Variants in SHISA9 observed in about 807,000 individuals in gnomAD.
SHISA9 encodes the protein protein shisa-9.
SHISA9 carries 13 observed loss-of-function variants against 38.0 expected under a neutral mutation model. The ratio of observed to expected loss-of-function variants is 0.34; its 90% CI spans 0.22 to 0.54. SHISA9 has a LOEUF of 0.54. Ranked by LOEUF, SHISA9 falls within the 20% of genes least tolerant of loss-of-function variation. The pLI is 0.91. For missense variants in SHISA9, 538 were observed against 575.8 expected (o/e 0.93, Z 0.67); for synonymous variants, 275 against 242.0 (o/e 1.14, Z -1.27).
chr16:13,461,422 A>C, the SHISA9 span, among the ~76,000 whole-genome samples: 3 of 152,132 alleles, frequency 2.0e-5, no homozygotes, highest in African/African-American at 4.8e-5. Flanking sequence ...TCTGCTAAAA[A>C]TACAAAATTA....
At chr16:13,256,060 G>A in the SHISA9 span, among the ~76,000 whole-genome samples, 2 of 152,116 alleles carry the variant, frequency 1.3e-5, no homozygotes, top group Non-Finnish European at 2.9e-5. Context: ...AGGACAGTTA[G>A]GCTATTGGAA....
At chr16:13,194,076 T>A (rs2142043775) in intron 2 of SHISA9, among the ~76,000 whole-genome samples, 1 of 152,268 alleles carries the variant, frequency 6.6e-6, no homozygotes, top group African/African-American at 2.4e-5. Context: ...TCCTCCTCTC[T>A]CTTTCTTTTC....
the SHISA9 span, among the ~76,000 whole-genome samples, chr16:13,429,970 G>A: frequency 6.6e-6 from 1 of 152,140 alleles, no homozygotes; most frequent in Non-Finnish European, 1.5e-5. Context: ...GATAATTAAG[G>A]TTAAATGGGA....
the SHISA9 span, among the ~76,000 whole-genome samples, chr16:13,396,776 C>T: frequency 1.3e-5 from 2 of 152,162 alleles, no homozygotes; most frequent in African/African-American, 2.4e-5. Context: ...TTGATGTAAA[C>T]ATCAGTCCTC....
At chr16:13,215,875 C>T (rs115010968) in intron 4 of SHISA9, among the ~76,000 whole-genome samples, 2,377 of 152,242 alleles carry the variant, frequency 0.016, 59 homozygotes, top group African/African-American at 0.055. Flanking sequence ...CCTTCCACAT[C>T]CTGCCACTTT....
chr16:13,546,036 T>C, the SHISA9 span, among the ~76,000 whole-genome samples: 1 of 152,154 alleles, frequency 6.6e-6, no homozygotes, highest in South Asian at 2.1e-4. Flanking sequence ...GAATTAACAA[T>C]GTAGGAAGGG....
At chr16:13,425,780 A>C in the SHISA9 span, among the ~76,000 whole-genome samples, 56,741 of 152,146 alleles carry the variant, frequency 0.37, 10,770 homozygotes, top group Non-Finnish European at 0.39. Flanking sequence ...TGGATTTTGC[A>C]CTACCTTGGA....
In SHISA9 at chr16:12,961,668, A is replaced by G. The variant is rs375718827; in HGVS notation, c.691+44853A>G. On this transcript the variant is annotated intron_variant, in intron 2 of 4. Transcript: ENST00000558583. ...AAGGAGAACAGTGACCGCATCATATATTACAAAATGTTAGTGAACACAGAG... is the reference window on the plus strand; with the variant it reads ...AAGGAGAACAGTGACCGCATCATATGTTACAAAATGTTAGTGAACACAGAG... 3.9e-5 allele frequency among the ~76,000 whole-genome samples: 6 copies of G among 152,312 alleles called. No homozygotes were observed. In the East Asian group the frequency reaches 1.2e-3, roughly 29 times the overall value.
At chr16:12,960,158 T>C (rs1302735567) in intron 2 of SHISA9, among the ~76,000 whole-genome samples, 1 of 152,246 alleles carries the variant, frequency 6.6e-6, no homozygotes, top group African/African-American at 2.4e-5. Context: ...TTACATTTTC[T>C]TGTGTAAAGG....
At chr16:13,059,671 TTAAAA>T (rs1219968456) in intron 2 of SHISA9, among the ~76,000 whole-genome samples, 3 of 152,282 alleles carry the variant, frequency 2.0e-5, no homozygotes, top group Non-Finnish European at 4.4e-5. Context: ...AAACTTGAAC[TTAAAA>T]TAAAAAGAAG....
At chr16:13,069,336 G>T (rs540007557) in intron 2 of SHISA9, among the ~76,000 whole-genome samples, 1 of 151,594 alleles carries the variant, frequency 6.6e-6, no homozygotes, top group African/African-American at 2.4e-5. Context: ...ATGTACGCAT[G>T]CATATGTGTG....
At chr16:13,473,930 T>G in the SHISA9 span, among the ~76,000 whole-genome samples, 1 of 152,198 alleles carries the variant, frequency 6.6e-6, no homozygotes, top group African/African-American at 2.4e-5. Context: ...TGATACATAT[T>G]GTGTAATACC....
At chr16:13,067,568 C>T (rs1371997285) in intron 2 of SHISA9, among the ~76,000 whole-genome samples, 1 of 152,248 alleles carries the variant, frequency 6.6e-6, no homozygotes, top group Non-Finnish European at 1.5e-5. Context: ...TCCACCCGAG[C>T]CCAGGAGGTC....
the SHISA9 span, among the ~76,000 whole-genome samples, chr16:13,320,907 G>A: frequency 1.3e-5 from 2 of 152,122 alleles, no homozygotes; most frequent in Non-Finnish European, 2.9e-5. Context: ...TTCATTCTTT[G>A]ATCTACTAGT....
chr16:13,018,880 G>A (rs1394989495), intron 2 of SHISA9, among the ~76,000 whole-genome samples: 10 of 152,196 alleles, frequency 6.6e-5, no homozygotes, highest in East Asian at 1.9e-4. Flanking sequence ...TCCCAGAACC[G>A]AAGAACGCTG....
At chr16:12,903,980 A>G (rs951805484) in intron 1 of SHISA9, among the ~76,000 whole-genome samples, 1 of 151,966 alleles carries the variant, frequency 6.6e-6, no homozygotes, top group Non-Finnish European at 1.5e-5. Flanking sequence ...TTTTGGGGGA[A>G]GAGGTGAGGA....
intron 2 of SHISA9, among the ~76,000 whole-genome samples, chr16:13,023,713 T>C (rs1234925520): frequency 6.6e-6 from 1 of 152,242 alleles, no homozygotes; most frequent in Admixed American, 6.5e-5. Context: ...ATTGCCATTC[T>C]AACTGGCGTG....
chr16:13,377,736 A>C, the SHISA9 span, among the ~76,000 whole-genome samples: 1 of 152,180 alleles, frequency 6.6e-6, no homozygotes, highest in Non-Finnish European at 1.5e-5. Context: ...AACCAATAGC[A>C]TTTATGCAAG....
chr16:13,554,681 G>A, the SHISA9 span, among the ~76,000 whole-genome samples: 2 of 152,094 alleles, frequency 1.3e-5, no homozygotes, highest in African/African-American at 4.8e-5. Context: ...TAGCAGAGAC[G>A]TGGTTTCACC....
Sources: allele counts gnomAD v4.1 joint callset (sites outside exome capture counted in the v4.1 genomes callset), GRCh38; gene constraint gnomAD v4.1.1; transcripts MANE v1.5; gene names NCBI Gene and HGNC (gene_info 2026-07-23, HGNC 2026-07-21).